The following BMPR1B variants were observed in gnomAD, a reference collection of about 807,000 sequenced individuals.
BMPR1B encodes the protein bone morphogenetic protein receptor type 1B, also known as bone morphogenetic protein receptor type-1B.
BMPR1B carries 12 observed loss-of-function variants against 59.1 expected under a neutral mutation model. The observed-to-expected ratio is 0.20, with a 90% CI of 0.13 to 0.33. The LOEUF is 0.33. BMPR1B is among the 10% of genes least tolerant of loss of function. The pLI is 1.00. For synonymous variants in BMPR1B, 237 were observed against 207.3 expected (o/e 1.14, Z -1.23); for missense variants, 550 against 610.9 (o/e 0.90, Z 1.05).
chr4:94,770,180 GTGTTTGTTTTT>G (rs36204168), intron 1 of BMPR1B, among the ~76,000 whole-genome samples: 63,149 of 106,664 alleles, frequency 0.59, 15,440 homozygotes, highest in East Asian at 0.74. Flanking sequence ...CTTCGTTTCT[GTGTTTGTTTTT>G]TTTTTTTTTT....
At chr4:94,857,047 T>G (rs1191793821) in intron 1 of BMPR1B, among the ~76,000 whole-genome samples, 2 of 151,988 alleles carry the variant, frequency 1.3e-5, no homozygotes, top group African/African-American at 4.8e-5. Context: ...TTTTAAAAAC[T>G]GAAGTAAAGA....
At chr4:95,049,520 A>G (rs1726303320) in intron 3 of BMPR1B, among the ~76,000 whole-genome samples, 1 of 129,664 alleles carries the variant, frequency 7.7e-6, no homozygotes, top group Non-Finnish European at 1.5e-5. Context: ...GTCCTGCACA[A>G]TTTGGTTCCA....
At position 94,864,547 on chromosome 4, in the gene BMPR1B, A is replaced by G. The variant is rs6851705; in HGVS notation, c.-182-11284A>G. On this transcript the variant is annotated intron_variant, in intron 1 of 12. Coordinates refer to ENST00000515059, the MANE Select transcript of BMPR1B (RefSeq NM_001203.3). ...TAAGCTGTATAGTTCTGTATTTTTT[A>G]ATGAATAGATCTTTTGATAAGGGCC... Among the ~76,000 whole-genome samples, 11 of 152,222 alleles carry G rather than the reference A, an allele frequency of 7.2e-5. No homozygotes were observed. The East Asian group carries it at 1.9e-3, about 27-fold the overall frequency.
chr4:94,816,671 A>T (rs890219736), intron 1 of BMPR1B, among the ~76,000 whole-genome samples: 2 of 152,152 alleles, frequency 1.3e-5, no homozygotes, highest in African/African-American at 4.8e-5. Flanking sequence ...TAATTAAAAA[A>T]ATCTAGCTAC....
intron 3 of BMPR1B, among the ~76,000 whole-genome samples, chr4:95,018,014 T>C (rs1415907725): frequency 6.6e-6 from 1 of 152,224 alleles, no homozygotes; most frequent in Non-Finnish European, 1.5e-5. Flanking sequence ...TGCTTGATCC[T>C]AGCCAAAAGG....
At chr4:94,884,148 C>T (rs1213763035) in intron 2 of BMPR1B, among the ~76,000 whole-genome samples, 1 of 152,168 alleles carries the variant, frequency 6.6e-6, no homozygotes. Flanking sequence ...ATCTAACTTC[C>T]TCAATTGAAA....
intron 11 of BMPR1B, among the ~76,000 whole-genome samples, chr4:95,151,817 A>G (rs991517141): frequency 1.7e-4 from 26 of 152,278 alleles, no homozygotes; most frequent in African/African-American, 6.3e-4. Context: ...CTCCCAAAAG[A>G]TTGTTCAGAG....
rs60404669 is a variant in BMPR1B, at chr4:95,053,281, T to TTGTGTGTGTGTGTGTGTGTGTGTGTG, written c.-17-51110_-17-51085dup. ...TTAAAAAGCTCCCTTTGCAGGGCAC[T>TTGTGTGTGTGTGTGTGTGTGTGTGTG]TGTGTGTGTGTGTGTGTGTGTGTGT... On this transcript the variant is annotated intron_variant, in intron 3 of 12. Coordinates refer to ENST00000515059, the MANE Select transcript of BMPR1B (RefSeq NM_001203.3). Among the ~76,000 whole-genome samples, 140 of 134,312 alleles carry TTGTGTGTGTGTGTGTGTGTGTGTGTG rather than the reference T, an allele frequency of 1.0e-3. 2 individuals are homozygous for TTGTGTGTGTGTGTGTGTGTGTGTGTG. Among genetic ancestry groups the TTGTGTGTGTGTGTGTGTGTGTGTGTG allele is most frequent in the Non-Finnish European group, 1.2e-3 (78 of 62,868 alleles). The allele number at this position is 134,312 out of a possible 152,430, so 88.1% of individuals were successfully genotyped here.
intron 2 of BMPR1B, among the ~76,000 whole-genome samples, chr4:94,933,372 G>A (rs1015604080): frequency 6.6e-6 from 1 of 151,462 alleles, no homozygotes; most frequent in Non-Finnish European, 1.5e-5. Flanking sequence ...ATTATCTTTT[G>A]ACCTCCTTAA....
chr4:95,047,194 A>G (rs2149181609), intron 3 of BMPR1B, among the ~76,000 whole-genome samples: 1 of 152,350 alleles, frequency 6.6e-6, no homozygotes, highest in African/African-American at 2.4e-5. Context: ...TAAGAAAGGA[A>G]CAATGGTATA....
intron 4 of BMPR1B, among the ~76,000 whole-genome samples, chr4:95,112,725 G>T (rs947461505): frequency 5.3e-5 from 8 of 152,052 alleles, no homozygotes; most frequent in African/African-American, 1.9e-4. Context: ...CAGACAAGGG[G>T]TGTGTATTTT....
chr4:94,844,607 C>T (rs11097443), intron 1 of BMPR1B, among the ~76,000 whole-genome samples: 95,629 of 151,886 alleles, frequency 0.63, 31,562 homozygotes, highest in African/African-American at 0.84. Flanking sequence ...AGCAGAAGAC[C>T]GGAGAGGGGA....
intron 8 of BMPR1B, among the ~76,000 whole-genome samples, chr4:95,127,438 TA>T (rs1463387213): frequency 6.6e-6 from 1 of 152,164 alleles, no homozygotes; most frequent in Non-Finnish European, 1.5e-5. Context: ...TGTCAAAACT[TA>T]TAATTAAATT....
intron 3 of BMPR1B, among the ~76,000 whole-genome samples, chr4:95,055,286 T>C (rs536176263): frequency 2.6e-5 from 4 of 151,816 alleles, no homozygotes; most frequent in African/African-American, 9.7e-5. Context: ...GGTTATACAT[T>C]TTTTTTTAGT....
At chr4:95,102,656 C>A (rs1274066498) in intron 3 of BMPR1B, among the ~76,000 whole-genome samples, 1 of 152,118 alleles carries the variant, frequency 6.6e-6, no homozygotes, top group Non-Finnish European at 1.5e-5. Context: ...CCTGGCATAG[C>A]AAGCGGTGCT....
chr4:94,781,349 A>G (rs979125555), intron 1 of BMPR1B, among the ~76,000 whole-genome samples: 3 of 152,076 alleles, frequency 2.0e-5, no homozygotes, highest in East Asian at 1.9e-4. Context: ...CGATTTATCT[A>G]TTTTTTCTTT....
chr4:94,895,241 G>T (rs1727543449), intron 2 of BMPR1B, among the ~76,000 whole-genome samples: 1 of 151,950 alleles, frequency 6.6e-6, no homozygotes, highest in African/African-American at 2.4e-5. Flanking sequence ...GCTTTAAGAC[G>T]TGTTTATTCA....
intron 1 of BMPR1B, among the ~76,000 whole-genome samples, chr4:94,874,422 C>A (rs1161348163): frequency 3.9e-5 from 6 of 152,106 alleles, no homozygotes; most frequent in Non-Finnish European, 7.4e-5. Flanking sequence ...CCATACTGCT[C>A]TCAGTCTTCT....
intron 3 of BMPR1B, among the ~76,000 whole-genome samples, chr4:95,034,529 G>A (rs946582987): frequency 6.6e-6 from 1 of 151,908 alleles, no homozygotes; most frequent in Non-Finnish European, 1.5e-5. Context: ...GAAATACAAT[G>A]TTTGGTTGTC....
Sources: gnomAD v4.1 joint callset for allele counts (sites outside exome capture counted in the v4.1 genomes callset) on GRCh38, gnomAD v4.1.1 for gene constraint, MANE v1.5 for transcripts, NCBI Gene and HGNC (gene_info 2026-07-23, HGNC 2026-07-21) for gene names.